The following CNTLN variants were observed in gnomAD, a reference collection of about 807,000 sequenced individuals.
The protein encoded by CNTLN is centlein, centrosomal protein.
A neutral mutation model predicts 180.0 loss-of-function variants in CNTLN; 212 were observed. The ratio of observed to expected loss-of-function variants is 1.18; its 90% CI spans 1.05 to 1.32. The LOEUF is 1.32. CNTLN is among the 40% of genes most tolerant of loss of function. The probability of loss-of-function intolerance (pLI) is 0.00; values close to 1 mark genes in which losing one functional copy is unlikely to be tolerated. For missense variants in CNTLN, 2,095 were observed against 1,610.9 expected (o/e 1.30, Z -5.14); for synonymous variants, 722 against 563.1 (o/e 1.28, Z -3.99).
At chr9:17,511,722 G>T in the CNTLN span, among the ~76,000 whole-genome samples, 1 of 151,912 alleles carries the variant, frequency 6.6e-6, no homozygotes. Context: ...AGACAAGAGC[G>T]TGAATAACAA....
At chr9:17,155,912 C>T (rs565641079) in intron 2 of CNTLN, among the ~76,000 whole-genome samples, 2 of 152,260 alleles carry the variant, frequency 1.3e-5, no homozygotes, top group South Asian at 2.1e-4. Context: ...ATGTAAAGAC[C>T]GTGGGACAAG....
At chr9:17,252,622 T>C (rs1299371520) in intron 5 of CNTLN, among the ~76,000 whole-genome samples, 5 of 151,814 alleles carry the variant, frequency 3.3e-5, no homozygotes, top group Middle Eastern at 3.2e-3. Flanking sequence ...TCCTTGTCGA[T>C]TCTAGTTACT....
intron 2 of CNTLN, among the ~76,000 whole-genome samples, chr9:17,166,319 T>C (rs1015278871): frequency 6.6e-6 from 1 of 151,868 alleles, no homozygotes; most frequent in African/African-American, 2.4e-5. Context: ...ATTCCAAAGA[T>C]TATAACAGAG....
intron 8 of CNTLN, among the ~76,000 whole-genome samples, chr9:17,330,086 A>C (rs762635629): frequency 6.6e-6 from 1 of 152,084 alleles, no homozygotes; most frequent in East Asian, 1.9e-4. Context: ...TACCATTAGC[A>C]GTTTATCTGA....
In CNTLN at chr9:17,302,344, C is replaced by T. The variant is rs1294451617; in HGVS notation, c.1146+3992C>T. Among the ~76,000 whole-genome samples the T allele has an allele frequency of 4.6e-5, 7 of 152,006 alleles. No individual in the cohort carries two copies. In the South Asian group the frequency reaches 1.2e-3, roughly 27 times the overall value. ...TCCCCAGTAGCTGGGACTACAGGCA[C>T]GTGCCACCACACTCAGCTAATTTTT... On this transcript the variant is annotated intron_variant, in intron 7 of 25. Coordinates refer to ENST00000380647, the MANE Select transcript of CNTLN (RefSeq NM_017738.4).
intron 6 of CNTLN, among the ~76,000 whole-genome samples, chr9:17,283,494 G>T (rs959421682): frequency 1.3e-5 from 2 of 152,056 alleles, no homozygotes; most frequent in Non-Finnish European, 2.9e-5. Context: ...GAAAGCTTTT[G>T]GGCTGTGATG....
At position 17,236,471 on chromosome 9, in the gene CNTLN, G is replaced by A; in HGVS notation, c.732G>A (p.Glu244=). 1.2e-6 allele frequency: 2 copies of A among 1,613,628 alleles called. No individual in the cohort carries two copies. The highest frequency in any genetic ancestry group is 1.7e-6 in the Non-Finnish European group (2 of 1,179,716). The part of the protein sequence containing the change: ...EQNRLVIKNL[E]EENKKLSTRC... Reference sequence around the variant, plus strand: ...ACAGACTAGTTATAAAAAATCTGGAGGAGGAAAACAAGAAATTAAGTACCC... The same window carrying A: ...ACAGACTAGTTATAAAAAATCTGGAAGAGGAAAACAAGAAATTAAGTACCC... The change falls in exon 5 of 26, where the codon GAG becomes GAA. Residue 244 remains glutamate (E), a synonymous_variant. Transcript: ENST00000380647.
chr9:17,273,152 C>T (rs114465395), intron 5 of CNTLN, among the ~76,000 whole-genome samples: 2,812 of 142,146 alleles, frequency 0.02, 90 homozygotes, highest in African/African-American at 0.073. Flanking sequence ...ATTTAAAACA[C>T]CTAATTTTAA....
chr9:17,164,457 GTTT>G (rs772109564), intron 2 of CNTLN, among the ~76,000 whole-genome samples: 11 of 68,460 alleles, frequency 1.6e-4, no homozygotes, highest in African/African-American at 6.7e-4. Context: ...TTATTTTTAT[GTTT>G]TTTTTTTTTT....
chr9:17,156,733 G>A (rs1819318679), intron 2 of CNTLN, among the ~76,000 whole-genome samples: 1 of 152,216 alleles, frequency 6.6e-6, no homozygotes. Context: ...CTGCAATAAA[G>A]CAAATATTGC....
chr9:17,414,315 T>C (rs901247308), intron 16 of CNTLN, among the ~76,000 whole-genome samples: 1 of 152,200 alleles, frequency 6.6e-6, no homozygotes, highest in African/African-American at 2.4e-5. Context: ...GTTTGTTTCA[T>C]AGCATGAGAG....
intron 14 of CNTLN, among the ~76,000 whole-genome samples, chr9:17,393,626 T>C (rs758652039): frequency 3.9e-5 from 6 of 152,234 alleles, no homozygotes; most frequent in Non-Finnish European, 8.8e-5. Context: ...TGGTTCTACA[T>C]ACCTCACGTT....
chr9:17,256,561 C>CTTT (rs573897019), intron 5 of CNTLN, among the ~76,000 whole-genome samples: 10 of 143,936 alleles, frequency 6.9e-5, no homozygotes, highest in South Asian at 2.2e-4. Context: ...TATGTCTTCT[C>CTTT]TTTTTTTTTT....
chr9:17,365,390 A>T lies in CNTLN; in HGVS notation c.1887-1227A>T, dbSNP rs183885741. The stretch of plus-strand genomic sequence containing the variant: ...AGTCTGTGGAACTGTGAGTCAATTG[A>T]ACCTCTTTTCTTTATAAATTACGTA... On this transcript the variant is annotated intron_variant, in intron 12 of 25. Coordinates refer to ENST00000380647, the MANE Select transcript of CNTLN (RefSeq NM_017738.4). 1.1e-3 allele frequency among the ~76,000 whole-genome samples: 172 copies of T among 152,198 alleles called. 1 individual carries two copies. The highest frequency in any genetic ancestry group is 2.0e-3 in the Admixed American group (31 of 15,280).
intron 23 of CNTLN, among the ~76,000 whole-genome samples, chr9:17,470,950 T>C (rs1288305938): frequency 1.3e-5 from 2 of 152,034 alleles, no homozygotes; most frequent in African/African-American, 4.8e-5. Context: ...ACACATACAA[T>C]TGTTAATACC....
intron 13 of CNTLN, among the ~76,000 whole-genome samples, chr9:17,383,130 A>G (rs887843580): frequency 2.6e-5 from 4 of 151,998 alleles, no homozygotes; most frequent in African/African-American, 9.7e-5. Context: ...ATTATATAAA[A>G]CATATGCATT....
intron 6 of CNTLN, among the ~76,000 whole-genome samples, chr9:17,284,891 G>T (rs200817961): frequency 6.6e-6 from 1 of 151,968 alleles, no homozygotes; most frequent in Non-Finnish European, 1.5e-5. Flanking sequence ...GATGTGGGCA[G>T]TTAGTGCTAT....
chr9:17,143,428 C>T (rs778837838), intron 2 of CNTLN, 52 bp downstream of exon 2: 2 of 1,303,086 alleles, frequency 1.5e-6, no homozygotes, highest in Non-Finnish European at 2.2e-6. Context: ...GAGTTTGTTT[C>T]TCTTCATTAT....
At chr9:17,399,028 T>A (rs2133764337) in intron 15 of CNTLN, among the ~76,000 whole-genome samples, 1 of 152,318 alleles carries the variant, frequency 6.6e-6, no homozygotes, top group African/African-American at 2.4e-5. Flanking sequence ...TTTTACCAAC[T>A]AGCCTTCATC....
Sources: gnomAD v4.1 joint callset for allele counts (sites outside exome capture counted in the v4.1 genomes callset) on GRCh38, gnomAD v4.1.1 for gene constraint, MANE v1.5 for transcripts, NCBI Gene and HGNC (gene_info 2026-07-23, HGNC 2026-07-21) for gene names.